Variants in SLC35D2 observed in about 807,000 individuals in gnomAD.
SLC35D2 encodes the protein solute carrier family 35 member D2.
In SLC35D2, 43 loss-of-function variants were observed where a neutral mutation model predicts 41.8. The ratio of observed to expected loss-of-function variants is 1.03; its 90% CI spans 0.81 to 1.33. The LOEUF is 1.33. Ranked by LOEUF, SLC35D2 falls within the 40% of genes most tolerant of loss-of-function variation. The pLI, the probability that SLC35D2 is intolerant of heterozygous loss-of-function variation, is 0.00. For synonymous variants in SLC35D2, 150 were observed against 163.9 expected (o/e 0.92, Z 0.65); for missense variants, 380 against 408.4 (o/e 0.93, Z 0.60).
intron 2 of SLC35D2, among the ~76,000 whole-genome samples, chr9:96,367,873 CTT>C (rs138506925): frequency 0.018 from 2,716 of 152,260 alleles, 70 homozygotes; most frequent in African/African-American, 0.061. Flanking sequence ...TCTCTCAACT[CTT>C]TTCCTGTCAG....
chr9:96,360,356 C>A, intron 3 of SLC35D2, 135 bp from the exon 4 acceptor site: 1 of 708,470 alleles, frequency 1.4e-6, no homozygotes. Context: ...TTTGGCGGGG[C>A]GCAGTGGCTC....
At chr9:96,326,452 G>C (rs968749817) in intron 9 of SLC35D2, among the ~76,000 whole-genome samples, 1 of 152,112 alleles carries the variant, frequency 6.6e-6, no homozygotes, top group Non-Finnish European at 1.5e-5. Flanking sequence ...TAGAAAAATT[G>C]TTAGCCTTCT....
chr9:96,378,872 T>C (rs946808353), intron 1 of SLC35D2, among the ~76,000 whole-genome samples: 2 of 151,772 alleles, frequency 1.3e-5, no homozygotes, highest in South Asian at 2.1e-4. Flanking sequence ...GAGGCTGCTG[T>C]GAGCCTTGAT....
chr9:96,369,050 C>A (rs1587716190), intron 1 of SLC35D2, among the ~76,000 whole-genome samples: 2 of 152,080 alleles, frequency 1.3e-5, no homozygotes, highest in Admixed American at 6.6e-5. Context: ...TAGGCGGGAG[C>A]CACTGTGCCC....
intron 10 of SLC35D2, among the ~76,000 whole-genome samples, chr9:96,323,514 C>T (rs72621423): frequency 0.15 from 22,204 of 152,086 alleles, 1,924 homozygotes; most frequent in East Asian, 0.29. Context: ...TTCTTTTTAG[C>T]TTTTTACTTC....
intron 9 of SLC35D2, among the ~76,000 whole-genome samples, chr9:96,325,118 G>A (rs557601772): frequency 1.1e-4 from 16 of 152,308 alleles, no homozygotes; most frequent in African/African-American, 3.8e-4. Context: ...TAACATGACC[G>A]TAGGTATTGA....
At chr9:96,335,931 T>G (rs546207320) in intron 9 of SLC35D2, among the ~76,000 whole-genome samples, 1 of 151,624 alleles carries the variant, frequency 6.6e-6, no homozygotes, top group South Asian at 2.1e-4. Context: ...TGCATGCCTG[T>G]AATCCCAGCT....
At chr9:96,362,037 T>C (rs1189229938) in intron 3 of SLC35D2, among the ~76,000 whole-genome samples, 1 of 152,052 alleles carries the variant, frequency 6.6e-6, no homozygotes, top group African/African-American at 2.4e-5. Context: ...CAAATTACAA[T>C]AGAACAGATA....
chr9:96,358,736 C>T (rs1830141083), intron 4 of SLC35D2, among the ~76,000 whole-genome samples: 1 of 152,130 alleles, frequency 6.6e-6, no homozygotes, highest in Admixed American at 6.6e-5. Flanking sequence ...TGCCTGTAAT[C>T]CAAGTACTTT....
At chr9:96,323,029 T>C (rs1356074782) in intron 10 of SLC35D2, among the ~76,000 whole-genome samples, 3 of 151,496 alleles carry the variant, frequency 2.0e-5, no homozygotes, top group African/African-American at 7.3e-5. Flanking sequence ...TTTCTTTTTT[T>C]TTTTTTTTTT....
intron 6 of SLC35D2, among the ~76,000 whole-genome samples, chr9:96,348,693 CTG>C (rs1299602996): frequency 2.0e-5 from 3 of 152,184 alleles, no homozygotes; most frequent in African/African-American, 7.2e-5. Context: ...GGGATCCATT[CTG>C]TGAGTGCCAG....
At chr9:96,340,462 C>CA (rs1417017565) in intron 8 of SLC35D2, among the ~76,000 whole-genome samples, 2 of 151,180 alleles carry the variant, frequency 1.3e-5, no homozygotes, top group African/African-American at 4.9e-5. Context: ...ACTAAAAATA[C>CA]AAAAATTAGC....
chr9:96,361,296 T>A (rs560588337), intron 3 of SLC35D2, among the ~76,000 whole-genome samples: 23 of 152,272 alleles, frequency 1.5e-4, no homozygotes, highest in African/African-American at 5.5e-4. Flanking sequence ...TAATCCCCAA[T>A]GTGACTGTAT....
chr9:96,334,692 A>G (rs1828971450), intron 9 of SLC35D2, among the ~76,000 whole-genome samples: 1 of 152,204 alleles, frequency 6.6e-6, no homozygotes, highest in Non-Finnish European at 1.5e-5. Context: ...CACCAAACAC[A>G]GAAGAAAGCA....
At chr9:96,367,219 C>CAAAA (rs1171888357) in intron 2 of SLC35D2, among the ~76,000 whole-genome samples, 14 of 70,934 alleles carry the variant, frequency 2.0e-4, no homozygotes, top group Non-Finnish European at 2.5e-4. Context: ...GACTCAGTCA[C>CAAAA]AAAAAAAAAA....
chr9:96,331,436 A>T (rs1828803603), intron 9 of SLC35D2, among the ~76,000 whole-genome samples: 1 of 152,138 alleles, frequency 6.6e-6, no homozygotes, highest in African/African-American at 2.4e-5. Context: ...TCTTGCAAGA[A>T]TGTAGGACTC....
chr9:96,364,114 G>C (rs936349115), intron 3 of SLC35D2, among the ~76,000 whole-genome samples: 5 of 152,076 alleles, frequency 3.3e-5, no homozygotes, highest in East Asian at 3.9e-4. Context: ...TCAGGAGTTC[G>C]AGACCAGCCT....
At chr9:96,379,225 T>C (rs923941979) in intron 1 of SLC35D2, among the ~76,000 whole-genome samples, 11 of 151,582 alleles carry the variant, frequency 7.3e-5, no homozygotes, top group African/African-American at 2.4e-4. Context: ...GAAGATCACT[T>C]GAGCCCAGGA....
chr9:96,338,001 A>C (rs1268009038), intron 8 of SLC35D2, among the ~76,000 whole-genome samples: 2 of 150,004 alleles, frequency 1.3e-5, no homozygotes, highest in African/African-American at 2.5e-5. Flanking sequence ...AAAAAAAAAA[A>C]AAAACTCAAT....
Sources: allele counts gnomAD v4.1 joint callset (sites outside exome capture counted in the v4.1 genomes callset), GRCh38; gene constraint gnomAD v4.1.1; transcripts MANE v1.5; gene names NCBI Gene and HGNC (gene_info 2026-07-23, HGNC 2026-07-21).